The following WDR49 variants were observed in gnomAD, a reference collection of about 807,000 sequenced individuals.
WDR49 encodes WD repeat domain 49.
WDR49 carries 107 observed loss-of-function variants against 119.5 expected under a neutral mutation model. That is an observed-to-expected ratio of 0.90 (90% CI 0.77 to 1.05). The LOEUF (loss-of-function observed/expected upper bound fraction) is 1.05. Among genes scored for constraint, WDR49 ranks in the 50% least tolerant of loss-of-function variants. The pLI is 0.00. For synonymous variants in WDR49, 425 were observed against 418.8 expected (o/e 1.01, Z -0.18); for missense variants, 1,240 against 1,220.5 (o/e 1.02, Z -0.24).
intron 8 of WDR49, among the ~76,000 whole-genome samples, chr3:167,563,648 T>C (rs184030172): frequency 1.3e-5 from 2 of 152,326 alleles, no homozygotes; most frequent in African/African-American, 2.4e-5. Flanking sequence ...TACATAATTA[T>C]GGGGTACCGT....
intron 2 of WDR49, among the ~76,000 whole-genome samples, chr3:167,628,840 A>C (rs1264401564): frequency 6.6e-6 from 1 of 152,164 alleles, no homozygotes; most frequent in East Asian, 1.9e-4. Flanking sequence ...AGAAAAAGTC[A>C]TGCCTGGCTT....
chr3:167,589,918 T>C (rs985687307), intron 7 of WDR49, among the ~76,000 whole-genome samples: 6 of 152,100 alleles, frequency 3.9e-5, no homozygotes, highest in Non-Finnish European at 8.8e-5. Context: ...ATTTCTCTTG[T>C]CTGATTATTC....
chr3:167,551,210 T>C (rs901106810), intron 10 of WDR49, among the ~76,000 whole-genome samples: 1 of 152,014 alleles, frequency 6.6e-6, no homozygotes, highest in Admixed American at 6.6e-5. Flanking sequence ...TGTATTGACC[T>C]GCCTGCCATC....
At chr3:167,518,507 T>C (rs1392612641) in intron 16 of WDR49, among the ~76,000 whole-genome samples, 2 of 152,080 alleles carry the variant, frequency 1.3e-5, no homozygotes, top group African/African-American at 4.8e-5. Flanking sequence ...TTTTTTCATG[T>C]GTCTTTTGGC....
chr3:167,528,962 TA>T (rs1752742911), intron 14 of WDR49, 89 bp downstream of exon 14: 2 of 1,100,718 alleles, frequency 1.8e-6, no homozygotes, highest in South Asian at 4.6e-5. Flanking sequence ...TTCCTTTGTT[TA>T]GGAGACAGAC....
At chr3:167,480,125 C>G (rs927845436) in intron 18 of WDR49, among the ~76,000 whole-genome samples, 1 of 150,586 alleles carries the variant, frequency 6.6e-6, no homozygotes, top group East Asian at 2.0e-4. Flanking sequence ...CTCAGCTACT[C>G]GGGAGGCCAG....
At chr3:167,529,312 C>T in intron 13 of WDR49, 73 bp from the exon 14 acceptor site, 2 of 1,395,240 alleles carry the variant, frequency 1.4e-6, no homozygotes, top group Non-Finnish European at 9.7e-7. Context: ...CAGTGGCTTT[C>T]CCTGTGGAAA....
chr3:167,651,973 C>T (rs1465229532), intron 2 of WDR49, among the ~76,000 whole-genome samples: 1 of 152,156 alleles, frequency 6.6e-6, no homozygotes, highest in African/African-American at 2.4e-5. Flanking sequence ...TGCCACATTT[C>T]TGTTCACTAT....
chr3:167,548,303 G>A (rs1475276175), intron 10 of WDR49, among the ~76,000 whole-genome samples: 2 of 151,906 alleles, frequency 1.3e-5, no homozygotes, highest in African/African-American at 4.8e-5. Context: ...CAGATTCCTC[G>A]GCACTTGTAC....
At chr3:167,650,284 A>T (rs1718314746) in intron 2 of WDR49, among the ~76,000 whole-genome samples, 1 of 152,216 alleles carries the variant, frequency 6.6e-6, no homozygotes, top group Non-Finnish European at 1.5e-5. Flanking sequence ...TATGGTTGAC[A>T]TCAAAATAAT....
At chr3:167,522,663 G>C (rs1361151904) in intron 15 of WDR49, among the ~76,000 whole-genome samples, 179 bp from the exon 16 acceptor site, 1 of 152,098 alleles carries the variant, frequency 6.6e-6, no homozygotes, top group East Asian at 1.9e-4. Context: ...AAATGAAAGA[G>C]TTTCATGTAA....
intron 8 of WDR49, among the ~76,000 whole-genome samples, chr3:167,572,314 A>G (rs1713978480): frequency 6.6e-6 from 1 of 152,246 alleles, no homozygotes; most frequent in African/African-American, 2.4e-5. Context: ...CAAGGGTATC[A>G]AAAGACAGGA....
At chr3:167,523,590 C>T (rs1271903464) in intron 15 of WDR49, among the ~76,000 whole-genome samples, 1 of 152,036 alleles carries the variant, frequency 6.6e-6, no homozygotes, top group Admixed American at 6.6e-5. Context: ...TGTTCCTCTC[C>T]CTGTGTCCAT....
chr3:167,643,488 G>C (rs891964309), intron 2 of WDR49, among the ~76,000 whole-genome samples: 2 of 152,076 alleles, frequency 1.3e-5, no homozygotes, highest in African/African-American at 4.8e-5. Flanking sequence ...TGAAAGAGAT[G>C]TGTCAACTAA....
rs185883917 is a variant in WDR49 at position 167,582,010 on chromosome 3, G to A, written c.1276-5859C>T. ...GATATAAAATAACAATAAGAAAAAA[G>A]GGAGAGTGTGGGCATGCTTCCGTGT... On this transcript the variant is annotated intron_variant, in intron 7 of 18. Transcript: ENST00000682715. Among the ~76,000 whole-genome samples the A allele has an allele frequency of 1.9e-3, 286 of 151,288 alleles. 10 individuals carry two copies. The highest frequency in any genetic ancestry group is 0.014 in the Admixed American group (213 of 15,198).
chr3:167,560,420 C>T (rs545754168), intron 8 of WDR49, among the ~76,000 whole-genome samples, 192 bp from the exon 9 acceptor site: 1 of 152,102 alleles, frequency 6.6e-6, no homozygotes, highest in Non-Finnish European at 1.5e-5. Context: ...GTAATGAAGT[C>T]GTGATCCTCT....
At chr3:167,617,462 G>A (rs1014735855) in intron 5 of WDR49, among the ~76,000 whole-genome samples, 4 of 152,234 alleles carry the variant, frequency 2.6e-5, no homozygotes, top group South Asian at 4.1e-4. Flanking sequence ...GGAGGTAGAT[G>A]TTGCAGTGAG....
At chr3:167,584,841 T>A (rs894959716) in intron 7 of WDR49, among the ~76,000 whole-genome samples, 2 of 152,066 alleles carry the variant, frequency 1.3e-5, no homozygotes, top group Non-Finnish European at 2.9e-5. Flanking sequence ...ATAGGAGATG[T>A]GGAAAATATT....
At position 167,620,443 on chromosome 3, in the gene WDR49, T is replaced by A; in HGVS notation, c.944A>T (p.Asp315Val). The A allele has an allele frequency of 6.5e-7, 1 of 1,535,524 alleles. No homozygotes were observed. Among genetic ancestry groups the A allele is most frequent in the South Asian group, 1.2e-5 (1 of 83,942 alleles). The change falls in exon 5 of 19, where the codon GAT becomes GTT. Residue 315 changes from aspartate (D) to valine (V), a missense_variant. Asp to Val is a radical substitution (Grantham distance 152, BLOSUM62 -3). Coordinates refer to ENST00000682715, the MANE Select transcript of WDR49 (RefSeq NM_001366157.1). Reference protein sequence around the residue: ...HILEHKLHQGDWVRQVTYNAS... With the variant: ...HILEHKLHQGVWVRQVTYNAS... ...AAATTCAATACCTTGCCTGACCCAA[T>A]CTCCTTGATGAAGTTTATGCTCTAA...
Sources: allele counts gnomAD v4.1 joint callset (sites outside exome capture counted in the v4.1 genomes callset), GRCh38; gene constraint gnomAD v4.1.1; transcripts MANE v1.5; gene names NCBI Gene and HGNC (gene_info 2026-07-23, HGNC 2026-07-21).